Variants in RNF128 observed in about 807,000 individuals in gnomAD.
RNF128 encodes the protein E3 ubiquitin-protein ligase RNF128.
RNF128 carries 13 observed loss-of-function variants against 26.2 expected under a neutral mutation model. The observed-to-expected ratio is 0.50, with a 90% CI of 0.32 to 0.79. RNF128 has a LOEUF of 0.79. RNF128 is among the 30% of genes least tolerant of loss of function. RNF128 has a pLI of 0.03. For synonymous variants in RNF128, 149 were observed against 142.5 expected (o/e 1.05, Z -0.32); for missense variants, 315 against 349.7 (o/e 0.90, Z 0.79).
chrX:106,739,524 A>G (rs1221349187), intron 1 of RNF128, among the ~76,000 whole-genome samples: 6 of 111,976 alleles, frequency 5.4e-5, no homozygotes, highest in African/African-American at 1.3e-4. Context: ...TAACCTCAGT[A>G]TGATAGGAAC....
chrX:106,697,454 G>C (rs1300446319), intron 1 of RNF128, among the ~76,000 whole-genome samples: 2 of 111,618 alleles, frequency 1.8e-5, no homozygotes, highest in Non-Finnish European at 3.8e-5. Context: ...AATTGAGAGT[G>C]CCAGGCTAGG....
intron 2 of RNF128, among the ~76,000 whole-genome samples, chrX:106,784,844 G>C (rs1451358872): frequency 1.8e-5 from 2 of 111,654 alleles, no homozygotes; most frequent in Non-Finnish European, 3.8e-5. Flanking sequence ...GTTTAAGAAA[G>C]TAGGGAAACA....
At chrX:106,795,475 T>C (rs1930898767) in intron 6 of RNF128, 105 bp from the exon 7 acceptor site, 1 of 695,574 alleles carries the variant, frequency 1.4e-6, no homozygotes, top group African/African-American at 2.2e-5. Context: ...GTAATCAGTG[T>C]ATGTTGAAAT....
At chrX:106,774,492 A>G (rs1930431614) in intron 2 of RNF128, among the ~76,000 whole-genome samples, 1 of 112,420 alleles carries the variant, frequency 8.9e-6, no homozygotes, top group Non-Finnish European at 1.9e-5. Flanking sequence ...ATGCAAACAT[A>G]GTATTATTGC....
chrX:106,745,919 T>G (rs1287785762), intron 1 of RNF128, among the ~76,000 whole-genome samples: 5 of 111,268 alleles, frequency 4.5e-5, no homozygotes, highest in Non-Finnish European at 9.4e-5. Flanking sequence ...TAATTGTCCT[T>G]CCCCAGTTGT....
chrX:106,724,629 A>C (rs1929364622), upstream of RNF128, among the ~76,000 whole-genome samples: 1 of 111,203 alleles, frequency 9.0e-6, no homozygotes, highest in Admixed American at 9.6e-5. Context: ...TTCATATTTC[A>C]ATGCCTTTCC....
At chrX:106,716,441 G>T (rs903653874) in intron 1 of RNF128, among the ~76,000 whole-genome samples, 1 of 111,621 alleles carries the variant, frequency 9.0e-6, no homozygotes, top group African/African-American at 3.3e-5. Context: ...AGTGGGAAGG[G>T]GTTTTGACTA....
intron 4 of RNF128, among the ~76,000 whole-genome samples, chrX:106,788,341 T>G (rs1434558054): frequency 1.9e-5 from 1 of 54,017 alleles, no homozygotes; most frequent in Non-Finnish European, 3.0e-5. Context: ...ATACTATATA[T>G]AATATATATT....
chrX:106,764,066 C>T (rs1930171164), intron 1 of RNF128, among the ~76,000 whole-genome samples: 1 of 109,458 alleles, frequency 9.1e-6, no homozygotes, highest in Non-Finnish European at 1.9e-5. Context: ...GGGTTCACGC[C>T]ATTCTCCTGC....
upstream of RNF128, among the ~76,000 whole-genome samples, chrX:106,722,774 T>A (rs538360204): frequency 4.3e-4 from 48 of 111,812 alleles, no homozygotes; most frequent in Middle Eastern, 4.6e-3. Context: ...GTGGACCAGA[T>A]ACTAGTGTTT....
intron 1 of RNF128, among the ~76,000 whole-genome samples, chrX:106,703,322 T>C (rs1928990230): frequency 1.8e-5 from 2 of 112,038 alleles, no homozygotes; most frequent in Non-Finnish European, 3.8e-5. Context: ...TAATTGTAAG[T>C]ACTCTGTTAA....
chrX:106,769,805 G>T (rs1400655547), intron 1 of RNF128, among the ~76,000 whole-genome samples: 1 of 110,645 alleles, frequency 9.0e-6, no homozygotes, highest in Non-Finnish European at 1.9e-5. Context: ...ATGTTAGCTG[G>T]TTATTTTGCT....
chrX:106,724,839 T>G (rs148737548), upstream of RNF128, among the ~76,000 whole-genome samples: 5 of 112,009 alleles, frequency 4.5e-5, no homozygotes, highest in African/African-American at 1.6e-4. Flanking sequence ...TACTTGTCCT[T>G]CTCATCAAAA....
At chrX:106,774,899 C>T (rs769432216) in intron 2 of RNF128, among the ~76,000 whole-genome samples, 10 of 111,943 alleles carry the variant, frequency 8.9e-5, no homozygotes, top group South Asian at 3.7e-4. Context: ...ATTTAGGGGG[C>T]GGAAGGAGCA....
chrX:106,791,205 C>T lies in RNF128; in HGVS notation c.1124C>T (p.Pro375Leu), dbSNP rs61760879. ...GCTTCAGTACAGGGAACAGATGAAC[C>T]GCCTCTGGAGGAACACGTGCAGTCA... ...GYASVQGTDEPPLEEHVQSTN... is the reference protein window; with the variant it reads ...GYASVQGTDELPLEEHVQSTN... Residue 375 changes from proline (P) to leucine (L), a missense_variant, in exon 6 of 7, where the codon CCG becomes CTG. Coordinates refer to ENST00000255499, the MANE Select transcript of RNF128 (RefSeq NM_194463.2). The T allele has an allele frequency of 7.5e-5, 90 of 1,206,576 alleles. No individual in the cohort carries two copies. The highest frequency in any genetic ancestry group is 9.7e-5 in the Non-Finnish European group (87 of 893,472).
At chrX:106,727,519 C>A in intron 1 of RNF128, 122 bp downstream of exon 1, 1 of 932,350 alleles carries the variant, frequency 1.1e-6, no homozygotes, top group Non-Finnish European at 1.5e-6. Flanking sequence ...CTCTTTCTGT[C>A]CCCACGGAGT....
chrX:106,727,079 A>T lies in RNF128; in HGVS notation c.166A>T (p.Thr56Ser), dbSNP rs1929413519. The change falls in exon 1 of 7, where the codon ACG becomes TCG. Residue 56 changes from threonine (T) to serine (S), a missense_variant. Coordinates refer to ENST00000255499, the MANE Select transcript of RNF128 (RefSeq NM_194463.2). Reference sequence around the variant, plus strand: ...CAACGTGTCCTGGCGGGTTCCGCACACGGGAGTGAACCGTACGGTGTGGGA... The same window carrying T: ...CAACGTGTCCTGGCGGGTTCCGCACTCGGGAGTGAACCGTACGGTGTGGGA... ...YLNVSWRVPH[T>S]GVNRTVWELS... 8.3e-7 allele frequency: 1 copy of T among 1,201,876 alleles called. No individual in the cohort carries two copies. The highest frequency in any genetic ancestry group is 1.7e-5 in the African/African-American group (1 of 57,456).
intron 1 of RNF128, among the ~76,000 whole-genome samples, chrX:106,740,379 G>A (rs1009882671): frequency 1.8e-5 from 2 of 111,311 alleles, no homozygotes; most frequent in Non-Finnish European, 3.8e-5. Context: ...TTCATGCATT[G>A]TTTTACTAGT....
chrX:106,723,753 G>A (rs1015418370), upstream of RNF128, among the ~76,000 whole-genome samples: 2 of 110,729 alleles, frequency 1.8e-5, no homozygotes, highest in African/African-American at 6.6e-5. Context: ...ACTCTTGCCT[G>A]TGCCTGAAAA....
Sources: gnomAD v4.1 joint callset for allele counts (sites outside exome capture counted in the v4.1 genomes callset) on GRCh38, gnomAD v4.1.1 for gene constraint, MANE v1.5 for transcripts, NCBI Gene and HGNC (gene_info 2026-07-23, HGNC 2026-07-21) for gene names.